ZNF268: variants seen among roughly 807,000 people sequenced by gnomAD.
ZNF268 encodes zinc finger protein 268, also known as zinc finger protein 3.
A neutral mutation model predicts 29.3 loss-of-function variants in ZNF268; 20 were observed. That is an observed-to-expected ratio of 0.68 (90% confidence interval 0.48 to 0.99). The LOEUF (loss-of-function observed/expected upper bound fraction) is 0.99, where lower values mean the gene tolerates loss of function less well. ZNF268 is among the 50% of genes least tolerant of loss of function. ZNF268 has a pLI of 0.00. For synonymous variants in ZNF268, 429 were observed against 376.9 expected (o/e 1.14, Z -1.60); for missense variants, 1,240 against 1,121.6 (o/e 1.11, Z -1.51).
rs935973981 is a variant in ZNF268 at position 133,202,358 on chromosome 12, T to C, written c.672T>C (p.Pro224=). The C allele has an allele frequency of 6.2e-7, 1 of 1,611,408 alleles. No homozygotes were observed. Among genetic ancestry groups the C allele is most frequent in the Non-Finnish European group, 8.5e-7 (1 of 1,178,614 alleles). ...DFTSDYARNN[P]NGFQVHGKSF... ...CTAGTGATTATGCTAGAAATAATCCTAATGGGTTTCAGGTACATGGAAAAT... is the reference window on the plus strand; with the variant it reads ...CTAGTGATTATGCTAGAAATAATCCCAATGGGTTTCAGGTACATGGAAAAT... The change falls in exon 6 of 6, where the codon CCT becomes CCC. Residue 224 remains proline (P), a synonymous_variant. Coordinates refer to ENST00000536435, the MANE Select transcript of ZNF268 (RefSeq NM_003415.3).
At position 133,206,417 on chromosome 12, in the gene ZNF268, A is replaced by AT. The variant is rs1007479536; in HGVS notation, c.*1889dup. ...AATGATCTTAAAACTTCAATTTAAG[A>AT]TTATGTGTCAGTGATACTACTTAGT... On this transcript the variant is annotated 3_prime_UTR_variant, in exon 6 of 6. Coordinates refer to ENST00000536435, the MANE Select transcript of ZNF268 (RefSeq NM_003415.3). 2.0e-5 allele frequency: 3 copies of AT among 152,212 alleles called. No individual in the cohort carries two copies. The highest frequency in any genetic ancestry group is 3.2e-3 in the Middle Eastern group (1 of 316). 9.4% of individuals were successfully genotyped at this position (152,212 alleles called of 1,614,324 possible). A position where few individuals can be genotyped will look rare whatever the true frequency, so the allele number is the denominator to read the frequency against.
rs1956912373 is a variant in ZNF268, at chr12:133,207,144, C to T, written c.*2614C>T. The stretch of plus-strand genomic sequence containing the variant: ...TACTGGTTTGTAAATCTATCTAGTC[C>T]TTCTACCCCAGCCCCAGAAAAGAAA... On this transcript the variant is annotated 3_prime_UTR_variant, in exon 6 of 6. Transcript: ENST00000536435. The T allele has an allele frequency of 6.6e-6, 1 of 152,118 alleles. No homozygotes were observed. Among genetic ancestry groups the T allele is most frequent in the Non-Finnish European group, 1.5e-5 (1 of 68,036 alleles). 9.4% of individuals were successfully genotyped at this position (152,118 alleles called of 1,614,324 possible).
Position 133,203,187 on chromosome 12 carries a change from G to A in ZNF268, c.1501G>A (p.Val501Ile). Reference protein sequence around the residue: ...QRSHTGMKPYVCNECGKAFRS... With the variant: ...QRSHTGMKPYICNECGKAFRS... The stretch of plus-strand genomic sequence containing the variant: ...AAGTCACACAGGAATGAAACCTTAT[G>A]TATGCAATGAATGTGGCAAAGCCTT... The change falls in exon 6 of 6, where the codon GTA becomes ATA. Residue 501 changes from valine (V) to isoleucine (I), a missense_variant. Physicochemically the swap from Val to Ile is conservative, Grantham distance 29. This residue lies in a region of ZNF268 where 1,177 missense variants were observed against 1,039.6 expected (regional missense o/e 1.13). Coordinates refer to ENST00000536435, the MANE Select transcript of ZNF268 (RefSeq NM_003415.3). 4 of 1,537,766 alleles carry A rather than the reference G, an allele frequency of 2.6e-6. No homozygotes were observed. Among genetic ancestry groups the A allele is most frequent in the East Asian group, 4.9e-5 (2 of 40,894 alleles).
Position 133,209,053 on chromosome 12 carries a change from C to G in ZNF268, c.*4523C>G, listed in dbSNP as rs947241460. 9.9e-5 allele frequency: 15 copies of G among 151,214 alleles called. No individual in the cohort carries two copies. The highest frequency in any genetic ancestry group is 3.6e-4 in the African/African-American group (15 of 41,192). 9.4% of individuals were successfully genotyped at this position (151,214 alleles called of 1,614,324 possible). A position where few individuals can be genotyped will look rare whatever the true frequency, so the allele number is the denominator to read the frequency against. ...CTGCCTCCTGGGTTCAAGCAATTCT[C>G]CTGCCTCAGCCTCCCTAGTAGCTGG... On this transcript the variant is annotated 3_prime_UTR_variant, in exon 6 of 6. Transcript: ENST00000536435.
At chr12:133,183,827 A>G (rs1046243961) in intron 2 of ZNF268, among the ~76,000 whole-genome samples, 1 of 152,244 alleles carries the variant, frequency 6.6e-6, no homozygotes, top group Non-Finnish European at 1.5e-5. Context: ...AAGCAGGGGA[A>G]GAGGTGTTGA....
In ZNF268 at chr12:133,213,172, AG is replaced by A. The variant is rs899424577; in HGVS notation, c.*8643del. 1 of 152,122 alleles carries A rather than the reference AG, an allele frequency of 6.6e-6. No homozygotes were observed. The highest frequency in any genetic ancestry group is 1.5e-5 in the Non-Finnish European group (1 of 68,034). 9.4% of individuals were successfully genotyped at this position (152,122 alleles called of 1,614,324 possible). On this transcript the variant is annotated 3_prime_UTR_variant, in exon 6 of 6. Coordinates refer to ENST00000536435, the MANE Select transcript of ZNF268 (RefSeq NM_003415.3). ...ACTTGGCCTCCATATTTTTTATAAT[AG>A]CCACTCTAACATGTATGAAATGGTA...
In ZNF268 at chr12:133,203,586, C is replaced by T; in HGVS notation, c.1900C>T (p.His634Tyr). Residue 634 changes from histidine (H) to tyrosine (Y), a missense_variant, in exon 6 of 6, where the codon CAT becomes TAT. Coordinates refer to ENST00000536435, the MANE Select transcript of ZNF268 (RefSeq NM_003415.3). ...KSNLIVHQRT[H>Y]TGEKPYSCNE... ...AAACCTGATTGTACATCAGAGAACT[C>T]ATACAGGAGAGAAACCCTATAGTTG... 2.5e-6 allele frequency: 4 copies of T among 1,569,228 alleles called. No homozygotes were observed. Among genetic ancestry groups the T allele is most frequent in the Non-Finnish European group, 3.4e-6 (4 of 1,160,608 alleles).
intron 2 of ZNF268, chr12:133,184,872 TA>T: frequency 3.2e-6 from 1 of 308,880 alleles, no homozygotes; most frequent in Non-Finnish European, 7.0e-6. Flanking sequence ...GTAGCAGTCA[TA>T]AAAACCTAAA....
intron 2 of ZNF268, among the ~76,000 whole-genome samples, chr12:133,182,855 G>A (rs1309313975): frequency 1.3e-5 from 2 of 152,128 alleles, no homozygotes; most frequent in East Asian, 3.9e-4. Context: ...ATCATAGAGG[G>A]CTTTGAGGAC....
rs772128734 is a variant in ZNF268 at position 133,210,950 on chromosome 12, CCT to C, written c.*6423_*6424del. ...CCTGTTTTGTGATGGCCATGTGCCC[CCT>C]CTTGCAGTCCCAGTGAACCCCTGAA... is the stretch of plus-strand genomic sequence containing the variant. On this transcript the variant is annotated 3_prime_UTR_variant, in exon 6 of 6. Transcript: ENST00000536435. 2.2e-6 allele frequency: 1 copy of C among 456,022 alleles called. No homozygotes were observed. The highest frequency in any genetic ancestry group is 1.5e-5 in the South Asian group (1 of 64,560). The allele number at this position is 456,022 out of a possible 1,614,324, so 28.2% of individuals were successfully genotyped here.
rs1304664157 is a variant in ZNF268 at position 133,203,053 on chromosome 12, A to T, written c.1367A>T (p.Lys456Met). Residue 456 changes from lysine (K) to methionine (M), a missense_variant, in exon 6 of 6, where the codon AAG becomes ATG. Coordinates refer to ENST00000536435, the MANE Select transcript of ZNF268 (RefSeq NM_003415.3). ...CSDCGKAFTF[K>M]SQLIVHQGIH... is the part of the protein sequence containing the mutation. ...GATTGTGGAAAAGCCTTTACATTCA[A>T]GTCACAGCTCATTGTACATCAGGGG... is the stretch of plus-strand genomic sequence containing the variant. The T allele has an allele frequency of 6.5e-7, 1 of 1,539,116 alleles. No individual in the cohort carries two copies. Among genetic ancestry groups the T allele is most frequent in the Non-Finnish European group, 8.7e-7 (1 of 1,147,600 alleles).
intron 5 of ZNF268, among the ~76,000 whole-genome samples, chr12:133,199,191 T>C (rs1003358517): frequency 6.6e-5 from 10 of 152,208 alleles, no homozygotes; most frequent in Non-Finnish European, 1.3e-4. Context: ...ATAGCTCTTA[T>C]TATTTTGAGA....
rs1410319810 is a variant in ZNF268, at chr12:133,202,273, C to G, written c.587C>G (p.Ser196Ter). 6.2e-7 allele frequency: 1 copy of G among 1,612,346 alleles called. No homozygotes were observed. The highest frequency in any genetic ancestry group is 1.3e-5 in the African/African-American group (1 of 74,824). ...TGTCTTCTTAGTACAAAGTATCTTT[C>G]AAGACAAAAACCTCATAAATGTGGC... ...KLCLLSTKYLSRQKPHKCGTH... is the reference protein window; with the variant it reads ...KLCLLSTKYL The change falls in exon 6 of 6, where the codon TCA (serine) becomes TGA (stop). Residue 196 changes from serine to a stop codon, truncating the protein, a stop_gained. Transcript: ENST00000536435. LOFTEE classifies it low-confidence loss of function (END_TRUNC).
intron 5 of ZNF268, among the ~76,000 whole-genome samples, chr12:133,200,925 A>G (rs1956738497): frequency 6.6e-6 from 1 of 151,980 alleles, no homozygotes; most frequent in East Asian, 1.9e-4. Flanking sequence ...TTCCCACCAT[A>G]TACACACTCA....
At chr12:133,189,659 A>G (rs879834210) in intron 3 of ZNF268, among the ~76,000 whole-genome samples, 1 of 152,196 alleles carries the variant, frequency 6.6e-6, no homozygotes, top group African/African-American at 2.4e-5. Flanking sequence ...TATTTTCTTC[A>G]TAAACAGTCG....
At position 133,205,673 on chromosome 12, in the gene ZNF268, A is replaced by T. The variant is rs1270856644; in HGVS notation, c.*1143A>T. The stretch of plus-strand genomic sequence containing the variant: ...GGGCTATCTTCTGCCCTTTGGAAGC[A>T]GTCTTGGCAGCAACCTCTTTAGTAA... On this transcript the variant is annotated 3_prime_UTR_variant, in exon 6 of 6. Coordinates refer to ENST00000536435, the MANE Select transcript of ZNF268 (RefSeq NM_003415.3). 6.6e-6 allele frequency: 1 copy of T among 152,224 alleles called. No homozygotes were observed. Among genetic ancestry groups the T allele is most frequent in the Non-Finnish European group, 1.5e-5 (1 of 68,034 alleles). 9.4% of individuals were successfully genotyped at this position (152,224 alleles called of 1,614,324 possible).
intron 2 of ZNF268, among the ~76,000 whole-genome samples, chr12:133,182,952 G>A (rs1337124139): frequency 6.6e-6 from 1 of 152,190 alleles, no homozygotes; most frequent in East Asian, 1.9e-4. Context: ...GGTCTGTTAG[G>A]AACTGGGGTG....
chr12:133,184,974 A>G (rs1332930948), intron 2 of ZNF268, among the ~76,000 whole-genome samples: 1 of 152,134 alleles, frequency 6.6e-6, no homozygotes, highest in Non-Finnish European at 1.5e-5. Flanking sequence ...ATCTGAGGTC[A>G]GGAGTTCGAG....
Position 133,210,094 on chromosome 12 carries a change from C to T in ZNF268, c.*5564C>T, listed in dbSNP as rs1473053802. The T allele has an allele frequency of 1.3e-5, 2 of 152,226 alleles. No homozygotes were observed. The highest frequency in any genetic ancestry group is 6.5e-5 in the Admixed American group (1 of 15,284). 9.4% of individuals were successfully genotyped at this position (152,226 alleles called of 1,614,324 possible). On this transcript the variant is annotated 3_prime_UTR_variant, in exon 6 of 6. Transcript: ENST00000536435. ...TCAGATATTACAGGGCAAAGTGAAA[C>T]AGCAAAGCTCCCTCCTCAGCACTCA... is the stretch of plus-strand genomic sequence containing the variant.
Sources: gnomAD v4.1 joint callset for allele counts (sites outside exome capture counted in the v4.1 genomes callset) on GRCh38, gnomAD v4.1.1 for gene constraint, gnomAD v4.1.1 regional missense constraint, MANE v1.5 for transcripts, NCBI Gene and HGNC (gene_info 2026-07-23, HGNC 2026-07-21) for gene names.